Variants in FUT9 observed in about 807,000 individuals in gnomAD.
FUT9 encodes the protein 4-galactosyl-N-acetylglucosaminide 3-alpha-L-fucosyltransferase 9.
In FUT9, 15 loss-of-function variants were observed where a neutral mutation model predicts 29.7. The ratio of observed to expected loss-of-function variants is 0.51; its 90% confidence interval spans 0.34 to 0.78. The LOEUF (loss-of-function observed/expected upper bound fraction) is 0.78, where lower values mean the gene tolerates loss of function less well. Among genes scored for constraint, FUT9 ranks in the 30% least tolerant of loss-of-function variants. FUT9 has a pLI of 0.01. For synonymous variants in FUT9, 169 were observed against 153.7 expected, an observed-to-expected ratio of 1.10 and a Z score of -0.74; for missense variants, 319 against 425.4, an observed-to-expected ratio of 0.75 and a Z score of 2.20.
intron 2 of FUT9, among the ~76,000 whole-genome samples, chr6:96,150,786 T>C (rs372794935): frequency 3.3e-5 from 5 of 152,212 alleles, no homozygotes; most frequent in Admixed American, 3.3e-4. Context: ...TAAAACCTAT[T>C]ACATGAGCTG....
intron 1 of FUT9, among the ~76,000 whole-genome samples, chr6:96,111,304 A>G (rs561214344): frequency 1.7e-3 from 258 of 152,282 alleles, no homozygotes; most frequent in Non-Finnish European, 2.9e-3. Context: ...GCAGAAAGAC[A>G]TGTAGAAAAG....
At chr6:96,193,999 A>G (rs1773571877) in intron 2 of FUT9, among the ~76,000 whole-genome samples, 1 of 152,204 alleles carries the variant, frequency 6.6e-6, no homozygotes, top group Middle Eastern at 3.2e-3. Flanking sequence ...TGGGAATTGA[A>G]CAATGAGAAC....
intron 1 of FUT9, among the ~76,000 whole-genome samples, chr6:96,032,835 C>T (rs547351500): frequency 6.6e-6 from 1 of 151,528 alleles, no homozygotes; most frequent in Non-Finnish European, 1.5e-5. Context: ...GCTGTGTAAC[C>T]AGAGAGATAA....
At chr6:96,069,289 CCAGCCTG>C (rs1218967099) in intron 1 of FUT9, among the ~76,000 whole-genome samples, 1 of 150,806 alleles carries the variant, frequency 6.6e-6, no homozygotes. Context: ...CCACTGAACT[CCAGCCTG>C]GGCTACAGAG....
rs141072113 is a variant in FUT9, at chr6:96,132,610, A to G, written c.-9+18483A>G. Among the ~76,000 whole-genome samples, 436 of 152,204 alleles carry G rather than the reference A, an allele frequency of 2.9e-3. 2 individuals are homozygous for G. Among genetic ancestry groups the G allele is most frequent in the African/African-American group, 0.01 (423 of 41,578 alleles). On this transcript the variant is annotated intron_variant, in intron 2 of 2. Transcript: ENST00000302103. ...CAATTTTGGGGGACTTGTTAGCACT[A>G]AGCTACATACATTTTGCCAGACATT...
chr6:96,203,127 C>T, intron 2 of FUT9, 21 bp from the exon 3 acceptor site: 1 of 1,550,614 alleles, frequency 6.4e-7, no homozygotes, highest in Non-Finnish European at 8.7e-7. Flanking sequence ...ACCTCCCCTT[C>T]TGTCTTTCTC....
At chr6:96,063,557 CA>C (rs1432552203) in intron 1 of FUT9, among the ~76,000 whole-genome samples, 1 of 152,126 alleles carries the variant, frequency 6.6e-6, no homozygotes, top group Non-Finnish European at 1.5e-5. Flanking sequence ...GACCCACCTC[CA>C]ACACTGGGGA....
chr6:96,145,082 G>A (rs140947076), intron 2 of FUT9, among the ~76,000 whole-genome samples: 2 of 151,912 alleles, frequency 1.3e-5, no homozygotes, highest in East Asian at 3.9e-4. Context: ...GTTTGAGATG[G>A]AGTCTTGCTC....
At chr6:96,195,399 T>C (rs1773605107) in intron 2 of FUT9, among the ~76,000 whole-genome samples, 1 of 152,148 alleles carries the variant, frequency 6.6e-6, no homozygotes, top group South Asian at 2.1e-4. Flanking sequence ...CCAGGGATTA[T>C]ATATAAGGAT....
At chr6:96,198,686 T>C (rs142261001) in intron 2 of FUT9, among the ~76,000 whole-genome samples, 3 of 152,318 alleles carry the variant, frequency 2.0e-5, no homozygotes, top group Admixed American at 1.3e-4. Context: ...CCCTGAGGAA[T>C]CGCCACACTG....
In FUT9 at chr6:96,207,458, A is replaced by G. The variant is rs374289215; in HGVS notation, c.*3223A>G. 4 of 167,096 alleles carry G rather than the reference A, an allele frequency of 2.4e-5. No individual in the cohort carries two copies. Among genetic ancestry groups the G allele is most frequent in the East Asian group, 1.9e-4 (1 of 5,202 alleles). 10.4% of individuals were successfully genotyped at this position (167,096 alleles called of 1,614,324 possible). On this transcript the variant is annotated 3_prime_UTR_variant, in exon 3 of 3. Coordinates refer to ENST00000302103, the MANE Select transcript of FUT9 (RefSeq NM_006581.4). ...CTTTTGAAGGTATACAATAAATAAA[A>G]CATCAAACTTGTTAGCATTCGTTCT...
At chr6:96,077,327 A>C (rs75635806) in intron 1 of FUT9, among the ~76,000 whole-genome samples, 5 of 152,182 alleles carry the variant, frequency 3.3e-5, no homozygotes, top group Non-Finnish European at 7.4e-5. Context: ...GTAGGTACTC[A>C]TTTTTGATCT....
intron 1 of FUT9, among the ~76,000 whole-genome samples, chr6:96,047,299 C>T (rs761193205): frequency 1.8e-4 from 27 of 152,242 alleles, no homozygotes; most frequent in Non-Finnish European, 2.9e-4. Context: ...TCAGAAGCCA[C>T]GAAAATAGCT....
In FUT9 at chr6:96,063,022, T is replaced by C. The variant is rs1294184903; in HGVS notation, c.-98+46810T>C. Reference sequence around the variant, plus strand: ...AGCAGGGAATTTGGTGTAATTTCCTTGTGAAAAGATAATGACTAAACCTCC... The same window carrying C: ...AGCAGGGAATTTGGTGTAATTTCCTCGTGAAAAGATAATGACTAAACCTCC... On this transcript the variant is annotated intron_variant, in intron 1 of 2. Coordinates refer to ENST00000302103, the MANE Select transcript of FUT9 (RefSeq NM_006581.4). 2.0e-5 allele frequency among the ~76,000 whole-genome samples: 3 copies of C among 152,114 alleles called. No homozygotes were observed. In the South Asian group the frequency reaches 6.2e-4, roughly 31 times the overall value.
At chr6:96,049,852 A>T (rs1290935008) in intron 1 of FUT9, among the ~76,000 whole-genome samples, 2 of 152,212 alleles carry the variant, frequency 1.3e-5, no homozygotes, top group African/African-American at 4.8e-5. Flanking sequence ...GATATATGGG[A>T]TTAGCTAACG....
rs142046963 is a variant in FUT9, at chr6:96,097,356, C to T, written c.-97-16683C>T. Among the ~76,000 whole-genome samples, 8 of 152,166 alleles carry T rather than the reference C, an allele frequency of 5.3e-5. No homozygotes were observed. The East Asian group carries it at 1.2e-3, about 22-fold the overall frequency. On this transcript the variant is annotated intron_variant, in intron 1 of 2. Transcript: ENST00000302103. Reference sequence around the variant, plus strand: ...TGCTCTCTTCCAATCCTGCTTTTTGCGACATATGTAGGTAGCTTGGAATTG... The same window carrying T: ...TGCTCTCTTCCAATCCTGCTTTTTGTGACATATGTAGGTAGCTTGGAATTG...
At chr6:96,033,894 A>G (rs1770306371) in intron 1 of FUT9, among the ~76,000 whole-genome samples, 4 of 151,622 alleles carry the variant, frequency 2.6e-5, no homozygotes, top group African/African-American at 9.7e-5. Flanking sequence ...ACACACATTC[A>G]TAAATATATA....
chr6:96,048,065 C>A (rs912323505), intron 1 of FUT9, among the ~76,000 whole-genome samples: 1 of 152,110 alleles, frequency 6.6e-6, no homozygotes, highest in Non-Finnish European at 1.5e-5. Flanking sequence ...CATGGTTCTT[C>A]CTCCATTTTT....
chr6:96,164,070 G>C (rs1772964611), intron 2 of FUT9, among the ~76,000 whole-genome samples: 2 of 152,090 alleles, frequency 1.3e-5, no homozygotes, highest in African/African-American at 4.8e-5. Context: ...TGTAAAATGT[G>C]CTTTGGTTCA....
Sources: gnomAD v4.1 joint callset for allele counts (sites outside exome capture counted in the v4.1 genomes callset) on GRCh38, gnomAD v4.1.1 for gene constraint, MANE v1.5 for transcripts, NCBI Gene and HGNC (gene_info 2026-07-23, HGNC 2026-07-21) for gene names.